SGCD: variants seen among roughly 807,000 people sequenced by gnomAD.
SGCD encodes sarcoglycan delta, also known as delta-sarcoglycan.
A neutral mutation model predicts 36.6 loss-of-function variants in SGCD; 18 were observed. That is an observed-to-expected ratio of 0.49 (90% CI 0.34 to 0.73). The LOEUF (loss-of-function observed/expected upper bound fraction) is 0.73. SGCD is among the 30% of genes least tolerant of loss of function. SGCD has a pLI of 0.01. For synonymous variants in SGCD, 133 were observed against 130.6 expected (o/e 1.02, Z -0.12); for missense variants, 387 against 346.7 (o/e 1.12, Z -0.92).
At chr5:156,189,773 A>AT (rs1763845427) in intron 3 of SGCD, among the ~76,000 whole-genome samples, 1 of 152,204 alleles carries the variant, frequency 6.6e-6, no homozygotes, top group Admixed American at 6.5e-5. Flanking sequence ...ACAGAAGAAC[A>AT]TATCATTGAG....
the SGCD span, among the ~76,000 whole-genome samples, chr5:155,864,328 T>C: frequency 2.0e-5 from 3 of 151,986 alleles, no homozygotes; most frequent in African/African-American, 7.3e-5. Context: ...GCCACAAAGA[T>C]AGGGGAATTT....
At chr5:156,323,278 C>G (rs1030042271), upstream of SGCD, among the ~76,000 whole-genome samples, 3 of 152,050 alleles carry the variant, frequency 2.0e-5, no homozygotes, top group Admixed American at 2.0e-4. Context: ...TCCAGTGTAC[C>G]TGCAAAGTTT....
chr5:156,440,446 T>C (rs559768582), intron 3 of SGCD, among the ~76,000 whole-genome samples: 1 of 152,322 alleles, frequency 6.6e-6, no homozygotes, highest in African/African-American at 2.4e-5. Flanking sequence ...TACACATTTC[T>C]GTATGGCATA....
At chr5:156,714,160 G>A (rs1048677922) in intron 7 of SGCD, among the ~76,000 whole-genome samples, 5 of 152,206 alleles carry the variant, frequency 3.3e-5, no homozygotes, top group African/African-American at 1.2e-4. Flanking sequence ...TTATGGACAT[G>A]TGTAGAGCAG....
At chr5:155,978,970 T>A (rs1758175174) in intron 1 of SGCD, among the ~76,000 whole-genome samples, 1 of 152,206 alleles carries the variant, frequency 6.6e-6, no homozygotes, top group Admixed American at 6.5e-5. Context: ...GGTCATAAAG[T>A]TGGACGGTCC....
chr5:156,631,155 T>A (rs1432994288), intron 6 of SGCD, among the ~76,000 whole-genome samples: 3 of 152,180 alleles, frequency 2.0e-5, no homozygotes, highest in African/African-American at 7.2e-5. Context: ...GTCATTTTCA[T>A]AATGGGTCAG....
At chr5:156,013,739 A>T (rs1213966597) in intron 1 of SGCD, among the ~76,000 whole-genome samples, 1 of 152,046 alleles carries the variant, frequency 6.6e-6, no homozygotes. Flanking sequence ...TCCATAACTG[A>T]TATGAATATT....
At chr5:156,077,709 C>A (rs541016569) in intron 1 of SGCD, among the ~76,000 whole-genome samples, 2 of 152,258 alleles carry the variant, frequency 1.3e-5, no homozygotes, top group East Asian at 1.9e-4. Flanking sequence ...CTCCTCAATA[C>A]CACACCCCTA....
chr5:156,673,741 C>A (rs1458684808), intron 7 of SGCD, among the ~76,000 whole-genome samples: 2 of 152,194 alleles, frequency 1.3e-5, no homozygotes, highest in East Asian at 3.8e-4. Flanking sequence ...ATAGTCACTT[C>A]ACACTTCGTG....
At chr5:155,740,646 G>T in the SGCD span, among the ~76,000 whole-genome samples, 2 of 152,124 alleles carry the variant, frequency 1.3e-5, no homozygotes, top group Non-Finnish European at 2.9e-5. Context: ...AATTGGTCTT[G>T]AGCAGCTATA....
At chr5:156,307,875 AT>A (rs1427366000) in intron 3 of SGCD, among the ~76,000 whole-genome samples, 287 of 152,274 alleles carry the variant, frequency 1.9e-3, no homozygotes, top group African/African-American at 6.8e-3. Context: ...ACATAAACTG[AT>A]AATCTTTTAA....
intron 3 of SGCD, among the ~76,000 whole-genome samples, chr5:156,229,891 G>A (rs998305626): frequency 6.6e-6 from 1 of 152,004 alleles, no homozygotes; most frequent in Non-Finnish European, 1.5e-5. Flanking sequence ...GTTGGATTGG[G>A]TTAATTCGAA....
Position 156,436,837 on chromosome 5 carries a change from C to T in SGCD, c.193-71764C>T, listed in dbSNP as rs1331337531. Among the ~76,000 whole-genome samples, 4 of 152,108 alleles carry T rather than the reference C, an allele frequency of 2.6e-5. No homozygotes were observed. In the South Asian group the frequency reaches 8.3e-4, roughly 32 times the overall value. On this transcript the variant is annotated intron_variant, in intron 3 of 8. Coordinates refer to ENST00000337851, the MANE Select transcript of SGCD (RefSeq NM_000337.6). ...CATGTAACCACCCCTCCCAGAGACCCCTCCTTTATAGCTAACCAACTCAGC... is the reference window on the plus strand; with the variant it reads ...CATGTAACCACCCCTCCCAGAGACCTCTCCTTTATAGCTAACCAACTCAGC...
At chr5:156,636,062 A>G (rs748849553) in intron 6 of SGCD, among the ~76,000 whole-genome samples, 6 of 152,130 alleles carry the variant, frequency 3.9e-5, no homozygotes, top group Admixed American at 1.3e-4. Context: ...TTTCTGTTGC[A>G]GGACACAGGG....
At chr5:156,290,930 C>T (rs1766742021) in intron 3 of SGCD, among the ~76,000 whole-genome samples, 1 of 152,120 alleles carries the variant, frequency 6.6e-6, no homozygotes, top group Non-Finnish European at 1.5e-5. Flanking sequence ...CATAGTGGCT[C>T]TGTTGCAAAC....
chr5:156,448,873 C>A (rs1408717495), intron 3 of SGCD, among the ~76,000 whole-genome samples: 1 of 151,388 alleles, frequency 6.6e-6, no homozygotes, highest in African/African-American at 2.4e-5. Context: ...CTCAGCCTCC[C>A]AAGTAGCTGG....
chr5:155,944,278 A>C (rs1757394286), intron 1 of SGCD, among the ~76,000 whole-genome samples: 1 of 152,182 alleles, frequency 6.6e-6, no homozygotes, highest in African/African-American at 2.4e-5. Context: ...AGGGTTTTGT[A>C]TGGGGGGATA....
the SGCD span, among the ~76,000 whole-genome samples, chr5:155,837,023 G>C: frequency 7.2e-5 from 11 of 152,136 alleles, no homozygotes; most frequent in South Asian, 4.1e-4. Flanking sequence ...GTATTGTTTT[G>C]TTTCTGTTTG....
chr5:156,038,561 C>T (rs1759555967), intron 1 of SGCD, among the ~76,000 whole-genome samples: 1 of 150,930 alleles, frequency 6.6e-6, no homozygotes, highest in South Asian at 2.1e-4. Context: ...AACTTTCCTG[C>T]AAATCTAAAA....
Sources: gnomAD v4.1 joint callset for allele counts (sites outside exome capture counted in the v4.1 genomes callset) on GRCh38, gnomAD v4.1.1 for gene constraint, MANE v1.5 for transcripts, NCBI Gene and HGNC (gene_info 2026-07-23, HGNC 2026-07-21) for gene names.